Variants in SLC35F4 observed in about 807,000 individuals in gnomAD.
SLC35F4 encodes the protein chromosome 14 open reading frame 36.
In SLC35F4, 24 loss-of-function variants were observed where a neutral mutation model predicts 44.2. The observed-to-expected ratio is 0.54, with a 90% confidence interval of 0.39 to 0.76. SLC35F4 has a LOEUF of 0.76. SLC35F4 is among the 30% of genes least tolerant of loss of function. The pLI is 0.00. For missense variants in SLC35F4, 562 were observed against 586.1 expected, an observed-to-expected ratio of 0.96 and a Z score of 0.42; for synonymous variants, 238 against 223.6, an observed-to-expected ratio of 1.06 and a Z score of -0.57.
At chr14:57,694,598 T>G (rs1377063430) in intron 1 of SLC35F4, among the ~76,000 whole-genome samples, 1 of 152,174 alleles carries the variant, frequency 6.6e-6, no homozygotes. Context: ...TTGATAGATA[T>G]TTCACAGAAT....
intron 1 of SLC35F4, among the ~76,000 whole-genome samples, chr14:57,670,471 T>C (rs986468914): frequency 1.3e-5 from 2 of 152,108 alleles, no homozygotes; most frequent in African/African-American, 2.4e-5. Context: ...GGGCATTTAG[T>C]GCTATAAATT....
intron 1 of SLC35F4, among the ~76,000 whole-genome samples, chr14:57,750,610 C>T (rs370466183): frequency 1.3e-5 from 2 of 152,150 alleles, no homozygotes; most frequent in Admixed American, 1.3e-4. Context: ...TTTTCATTTG[C>T]ATTTCCCTGA....
At chr14:57,691,418 A>G (rs896373768) in intron 1 of SLC35F4, among the ~76,000 whole-genome samples, 2 of 152,196 alleles carry the variant, frequency 1.3e-5, no homozygotes, top group Admixed American at 1.3e-4. Context: ...AATTATATCC[A>G]AAACTGGTAT....
intron 1 of SLC35F4, among the ~76,000 whole-genome samples, chr14:57,791,892 C>T (rs1400637571): frequency 6.6e-6 from 1 of 151,706 alleles, no homozygotes; most frequent in Non-Finnish European, 1.5e-5. Flanking sequence ...CATGTTCTCA[C>T]TCATAAGTGG....
intron 1 of SLC35F4, among the ~76,000 whole-genome samples, chr14:57,966,766 T>G (rs1162129806): frequency 2.0e-5 from 3 of 152,162 alleles, no homozygotes; most frequent in African/African-American, 7.2e-5. Context: ...TCCCAGCACT[T>G]TGGGGGACCA....
At chr14:57,935,102 T>C (rs1198134647) in intron 1 of SLC35F4, among the ~76,000 whole-genome samples, 2 of 152,148 alleles carry the variant, frequency 1.3e-5, no homozygotes, top group Non-Finnish European at 2.9e-5. Flanking sequence ...ATCTCACAAC[T>C]TTGATAAGCC....
intron 1 of SLC35F4, among the ~76,000 whole-genome samples, chr14:57,934,239 C>T (rs1247150598): frequency 6.6e-6 from 1 of 151,012 alleles, no homozygotes; most frequent in African/African-American, 2.4e-5. Flanking sequence ...AGGTTCTGGT[C>T]CCTCTTTTGT....
intron 1 of SLC35F4, among the ~76,000 whole-genome samples, chr14:57,661,023 C>T (rs10483690): frequency 0.026 from 3,963 of 152,248 alleles, 163 homozygotes; most frequent in African/African-American, 0.089. Context: ...TCCATTTCTT[C>T]GGCACTGTAG....
Position 57,859,462 on chromosome 14 carries a change from A to G in SLC35F4, c.103+6261T>C, listed in dbSNP as rs146215784. 2.4e-3 allele frequency among the ~76,000 whole-genome samples: 361 copies of G among 152,330 alleles called. 1 individual carries two copies. Among genetic ancestry groups the G allele is most frequent in the African/African-American group, 8.2e-3 (342 of 41,562 alleles). Reference sequence around the variant, plus strand: ...GCTCTCTGCCTTCCAGATTTTCTGCATTAAGCATGTATTACTTAGGCAATT... The same window carrying G: ...GCTCTCTGCCTTCCAGATTTTCTGCGTTAAGCATGTATTACTTAGGCAATT... On this transcript the variant is annotated intron_variant, in intron 1 of 7. Coordinates refer to ENST00000556826, the MANE Select transcript of SLC35F4 (RefSeq NM_001306087.2).
At chr14:57,841,024 G>T (rs755403384) in intron 1 of SLC35F4, among the ~76,000 whole-genome samples, 2 of 152,158 alleles carry the variant, frequency 1.3e-5, no homozygotes, top group Non-Finnish European at 2.9e-5. Context: ...ACTGACAGTA[G>T]CAAGCCCCTT....
At chr14:57,913,200 CT>C (rs756923596) in intron 1 of SLC35F4, among the ~76,000 whole-genome samples, 3 of 151,638 alleles carry the variant, frequency 2.0e-5, no homozygotes, top group Non-Finnish European at 2.9e-5. Flanking sequence ...AAAGATGGGT[CT>C]TTTTTTTAAT....
intron 1 of SLC35F4, among the ~76,000 whole-genome samples, chr14:57,919,333 C>A (rs1467319281): frequency 6.6e-6 from 1 of 152,230 alleles, no homozygotes; most frequent in Non-Finnish European, 1.5e-5. Flanking sequence ...ACTCCTTATA[C>A]TTTGCTATGA....
intron 1 of SLC35F4, among the ~76,000 whole-genome samples, chr14:57,657,899 G>T (rs966617940): frequency 6.6e-6 from 1 of 152,210 alleles, no homozygotes; most frequent in Non-Finnish European, 1.5e-5. Flanking sequence ...GTGGTATAAA[G>T]TTGGTAAGTT....
intron 1 of SLC35F4, among the ~76,000 whole-genome samples, chr14:57,759,708 C>T (rs1254606066): frequency 4.6e-5 from 7 of 152,108 alleles, no homozygotes; most frequent in African/African-American, 1.2e-4. Flanking sequence ...TCTTTTGTTT[C>T]GGTCAGTGCT....
Sources: gnomAD v4.1 joint callset for allele counts (sites outside exome capture counted in the v4.1 genomes callset) on GRCh38, gnomAD v4.1.1 for gene constraint, MANE v1.5 for transcripts, NCBI Gene and HGNC (gene_info 2026-07-23, HGNC 2026-07-21) for gene names.